Variants in GPBP1L1 observed in about 807,000 individuals in gnomAD.
The protein encoded by GPBP1L1 is GC-rich promoter binding protein 1 like 1, also known as vasculin-like protein 1.
Under a neutral mutation model 52.5 loss-of-function variants are expected in GPBP1L1, and 23 were observed. That is an observed-to-expected ratio of 0.44 (90% CI 0.32 to 0.62). GPBP1L1 has a LOEUF of 0.62. Ranked by LOEUF, GPBP1L1 falls within the 20% of genes least tolerant of loss-of-function variation. GPBP1L1 has a pLI of 0.06. For missense variants in GPBP1L1, 596 were observed against 579.3 expected, an observed-to-expected ratio of 1.03 and a Z score of -0.30; for synonymous variants, 243 against 203.1, an observed-to-expected ratio of 1.20 and a Z score of -1.67.
intron 6 of GPBP1L1, among the ~76,000 whole-genome samples, chr1:45,652,574 G>T (rs1037438089): frequency 6.6e-6 from 1 of 152,118 alleles, no homozygotes. Flanking sequence ...TATATGCACA[G>T]TTGGCTATGG....
intron 2 of GPBP1L1, among the ~76,000 whole-genome samples, chr1:45,664,550 G>C (rs563529514): frequency 6.2e-4 from 95 of 152,114 alleles, no homozygotes; most frequent in Non-Finnish European, 8.4e-4. Flanking sequence ...GGGTGACAGA[G>C]CAAGACTCTG....
At chr1:45,657,144 T>A (rs2148475953) in intron 4 of GPBP1L1, among the ~76,000 whole-genome samples, 2 of 152,360 alleles carry the variant, frequency 1.3e-5, no homozygotes, top group South Asian at 4.1e-4. Flanking sequence ...TCTTCTCTGA[T>A]AGATCTATAT....
At chr1:45,668,847 C>CCTACAG (rs10672436) in intron 2 of GPBP1L1, among the ~76,000 whole-genome samples, 47,778 of 151,546 alleles carry the variant, frequency 0.32, 7,590 homozygotes, top group Middle Eastern at 0.38. Context: ...GTGGTGGGCG[C>CCTACAG]CTACTTGGGA....
chr1:45,628,695 GCT>G lies in GPBP1L1; in HGVS notation c.1273-289_1273-288del, dbSNP rs555002484. 5.9e-4 allele frequency among the ~76,000 whole-genome samples: 89 copies of G among 152,072 alleles called. 1 individual carries two copies. The highest frequency in any genetic ancestry group is 3.4e-3 in the Middle Eastern group (1 of 294). ...ATTTATTTTTTTGAGACGGAATCTC[GCT>G]CTGTCACCCAGGCTAGAGTGCAATG... is the stretch of plus-strand genomic sequence containing the variant. On this transcript the variant is annotated intron_variant, in intron 12 of 12. Transcript: ENST00000355105.
At chr1:45,658,955 A>G in intron 4 of GPBP1L1, 73 bp downstream of exon 4, 1 of 1,014,026 alleles carries the variant, frequency 9.9e-7, no homozygotes, top group South Asian at 1.3e-5. Flanking sequence ...ACAAAATGAA[A>G]CCAAAAAACA....
At chr1:45,650,213 G>C (rs920960321) in intron 6 of GPBP1L1, among the ~76,000 whole-genome samples, 3 of 152,028 alleles carry the variant, frequency 2.0e-5, no homozygotes, top group African/African-American at 7.2e-5. Flanking sequence ...ACACATCCAA[G>C]TCTCCTAATC....
chr1:45,666,277 C>G (rs1480085998), intron 2 of GPBP1L1, among the ~76,000 whole-genome samples: 1 of 152,002 alleles, frequency 6.6e-6, no homozygotes, highest in Non-Finnish European at 1.5e-5. Context: ...TCCCAAGTAG[C>G]TGGGACTACA....
intron 2 of GPBP1L1, among the ~76,000 whole-genome samples, chr1:45,678,724 A>G (rs1645177228): frequency 6.6e-6 from 1 of 152,214 alleles, no homozygotes; most frequent in South Asian, 2.1e-4. Context: ...TAAAGTAAAC[A>G]TTTGCAACAA....
At chr1:45,631,405 G>A (rs1261536513) in intron 10 of GPBP1L1, among the ~76,000 whole-genome samples, 1 of 151,864 alleles carries the variant, frequency 6.6e-6, no homozygotes, top group Non-Finnish European at 1.5e-5. Context: ...TGTGACTATG[G>A]GTGCATGCTA....
chr1:45,633,464 C>G (rs771735697), intron 10 of GPBP1L1, 25 bp downstream of exon 10: 4 of 1,609,300 alleles, frequency 2.5e-6, no homozygotes, highest in Non-Finnish European at 3.4e-6. Context: ...CCTAGGCTAC[C>G]CCCAGAAAAG....
chr1:45,653,710 T>G (rs1345850044), intron 6 of GPBP1L1, among the ~76,000 whole-genome samples: 4 of 150,960 alleles, frequency 2.6e-5, no homozygotes, highest in Admixed American at 2.6e-4. Flanking sequence ...TTCTTTTTTT[T>G]TTTTTTGAGA....
intron 6 of GPBP1L1, among the ~76,000 whole-genome samples, chr1:45,646,437 CT>C (rs947368494): frequency 2.6e-5 from 4 of 152,050 alleles, no homozygotes; most frequent in Admixed American, 6.5e-5. Flanking sequence ...GGATATCTTT[CT>C]TTTTTTGTTC....
At chr1:45,646,390 C>G (rs544877392) in intron 6 of GPBP1L1, among the ~76,000 whole-genome samples, 1 of 152,274 alleles carries the variant, frequency 6.6e-6, no homozygotes, top group East Asian at 1.9e-4. Flanking sequence ...GGTTTTCTTT[C>G]TCTTAACAAC....
chr1:45,666,501 C>T (rs1206792062), intron 2 of GPBP1L1, among the ~76,000 whole-genome samples: 1 of 152,132 alleles, frequency 6.6e-6, no homozygotes, highest in Non-Finnish European at 1.5e-5. Flanking sequence ...TTCCAGGACA[C>T]ACACAGCATG....
In GPBP1L1 at chr1:45,629,460, C is replaced by CT. The variant is rs1557691742; in HGVS notation, c.1272+115_1272+116insA. ...TACATTTCTACTAAGGTAATCCCCC[C>CT]CCCCCCCACCCGATCTTTCTCTCAC... On this transcript the variant is annotated intron_variant, in intron 12 of 12. Transcript: ENST00000355105. The CT allele has an allele frequency of 3.4e-4, 43 of 128,086 alleles. 6 individuals carry two copies. The highest frequency in any genetic ancestry group is 6.1e-4 in the Non-Finnish European group (37 of 60,322). 7.9% of individuals were successfully genotyped at this position (128,086 alleles called of 1,614,324 possible). A position where few individuals can be genotyped will look rare whatever the true frequency, so the allele number is the denominator to read the frequency against.
rs755360795 is a variant in GPBP1L1, at chr1:45,628,318, ACT to A, written c.1361_1362del (p.Glu454ValfsTer2). On this transcript the variant is annotated frameshift_variant, in exon 13 of 13. Coordinates refer to ENST00000355105, the MANE Select transcript of GPBP1L1 (RefSeq NM_021639.5). LOFTEE classifies it high-confidence loss of function. ...CTGGTTTCGGTGTCTGAGTCCTCAA[ACT>A]CTGCTTTGCAAGTGCTTCTCCAAGG... ...FSPWRSTCKAEFEDSDTETSS... is the reference protein window; with the variant it reads ...FSPWRSTCKAXFEDSDTETSS... The A allele has an allele frequency of 6.2e-7, 1 of 1,614,062 alleles. No homozygotes were observed. Among genetic ancestry groups the A allele is most frequent in the Non-Finnish European group, 8.5e-7 (1 of 1,180,010 alleles).
At chr1:45,661,933 A>G (rs1318753817) in intron 2 of GPBP1L1, among the ~76,000 whole-genome samples, 2 of 152,220 alleles carry the variant, frequency 1.3e-5, no homozygotes, top group Admixed American at 1.3e-4. Flanking sequence ...GCTTGCTGGT[A>G]TATCACCAAC....
intron 6 of GPBP1L1, chr1:45,651,368 A>G (rs909119169): frequency 2.7e-6 from 1 of 376,956 alleles, no homozygotes; most frequent in Non-Finnish European, 5.1e-6. Context: ...AATCACCACT[A>G]GCTGAGTCTT....
chr1:45,657,124 A>G (rs1394953151), intron 4 of GPBP1L1, among the ~76,000 whole-genome samples: 2 of 152,196 alleles, frequency 1.3e-5, no homozygotes, highest in Non-Finnish European at 2.9e-5. Flanking sequence ...CACGGTGCTA[A>G]AACAATTATT....
Sources: gnomAD v4.1 joint callset for allele counts (sites outside exome capture counted in the v4.1 genomes callset) on GRCh38, gnomAD v4.1.1 for gene constraint, MANE v1.5 for transcripts, NCBI Gene and HGNC (gene_info 2026-07-23, HGNC 2026-07-21) for gene names.